Variants in PCDHGA1 observed in about 807,000 individuals in gnomAD.
PCDHGA1 encodes protocadherin gamma subfamily A, 1.
A neutral mutation model predicts 58.0 loss-of-function variants in PCDHGA1; 32 were observed. That is an observed-to-expected ratio of 0.55 (90% CI 0.42 to 0.74). PCDHGA1 has a LOEUF of 0.74. Ranked by LOEUF, PCDHGA1 falls within the 30% of genes least tolerant of loss-of-function variation. The pLI is 0.00. For synonymous variants in PCDHGA1, 498 were observed against 501.1 expected (o/e 0.99, Z 0.08); for missense variants, 1,205 against 1,182.3 (o/e 1.02, Z -0.28).
intron 1 of PCDHGA1, chr5:141,393,973 G>T (rs776954838): frequency 4.3e-6 from 7 of 1,613,668 alleles, no homozygotes; most frequent in Non-Finnish European, 5.1e-6. Context: ...TGTTACACAC[G>T]TGATAATTTA....
chr5:141,410,024 G>T (rs771946302), intron 1 of PCDHGA1: 4 of 1,613,164 alleles, frequency 2.5e-6, no homozygotes, highest in Non-Finnish European at 3.4e-6. Flanking sequence ...GTCCTACCAC[G>T]TGCTGCAGGC....
In PCDHGA1 at chr5:141,330,585, C is replaced by A; in HGVS notation, c.-100C>A. 1 of 1,277,806 alleles carries A rather than the reference C, an allele frequency of 7.8e-7. No individual in the cohort carries two copies. Among genetic ancestry groups the A allele is most frequent in the Middle Eastern group, 2.4e-4 (1 of 4,082 alleles). The allele number at this position is 1,277,806 out of a possible 1,614,324, so 79.2% of individuals were successfully genotyped here. On this transcript the variant is annotated 5_prime_UTR_variant, in exon 1 of 4. Coordinates refer to ENST00000517417, the MANE Select transcript of PCDHGA1 (RefSeq NM_018912.3). ...TAAATCCTACTTCTGGATGACTCTC[C>A]AGTCAGAATTCTCCTGAAAATTGGG...
intron 1 of PCDHGA1, chr5:141,355,796 C>G: frequency 1.2e-6 from 2 of 1,613,556 alleles, no homozygotes; most frequent in Non-Finnish European, 1.7e-6. Context: ...CTGGAACGCG[C>G]TCTAGATCGC....
rs368927472 is a variant in PCDHGA1 at position 141,490,874 on chromosome 5, A to G, written c.2422-3933A>G. The G allele has an allele frequency of 2.4e-5, 39 of 1,613,830 alleles. No individual in the cohort carries two copies. Among genetic ancestry groups the G allele is most frequent in the Non-Finnish European group, 3.1e-5 (36 of 1,179,960 alleles). ...CGAGACTCCGGCTCTCCCCCATTGCATGCCAACACATCTCTGCATGTGTTT... is the reference window on the plus strand; with the variant it reads ...CGAGACTCCGGCTCTCCCCCATTGCGTGCCAACACATCTCTGCATGTGTTT... On this transcript the variant is annotated intron_variant, in intron 1 of 3. Transcript: ENST00000517417. This position sits in a 1 kb window ranked among gnomAD's most constrained non-coding sequence, Gnocchi z 5.4.
At chr5:141,500,930 G>A (rs1300719832) in intron 2 of PCDHGA1, among the ~76,000 whole-genome samples, 4 of 151,824 alleles carry the variant, frequency 2.6e-5, no homozygotes, top group Admixed American at 6.6e-5. Context: ...GTGCAGTGGC[G>A]CCATCTCGGC....
chr5:141,393,115 G>C (rs1342924521), intron 1 of PCDHGA1: 42 of 1,613,320 alleles, frequency 2.6e-5, no homozygotes, highest in Non-Finnish European at 3.6e-5. Context: ...CAGAGCCCGC[G>C]GTGTCTGATA....
intron 1 of PCDHGA1, chr5:141,385,148 T>G (rs1052139407): frequency 6.2e-7 from 1 of 1,614,218 alleles, no homozygotes; most frequent in Admixed American, 1.7e-5. Context: ...CAGGCTTTCC[T>G]GCAGACCTAT....
chr5:141,428,120 C>G (rs756805763), intron 1 of PCDHGA1: 2 of 1,606,528 alleles, frequency 1.2e-6, no homozygotes, highest in South Asian at 1.1e-5. Context: ...CCATCGAGCC[C>G]GGGCTTTTCA....
intron 1 of PCDHGA1, chr5:141,384,422 A>C: frequency 6.2e-7 from 1 of 1,613,924 alleles, no homozygotes; most frequent in Non-Finnish European, 8.5e-7. Flanking sequence ...GTCTCCATAA[A>C]CTCTGACACT....
chr5:141,366,307 G>C lies in PCDHGA1; in HGVS notation c.2421+33202G>C, dbSNP rs539472764. On this transcript the variant is annotated intron_variant, in intron 1 of 3. Transcript: ENST00000517417. Reference sequence around the variant, plus strand: ...AGCCCCCTCTGTCAGCCACCTTCACGGTCACCGTTGCCGTGGCCGACAGGA... The same window carrying C: ...AGCCCCCTCTGTCAGCCACCTTCACCGTCACCGTTGCCGTGGCCGACAGGA... The C allele has an allele frequency of 7.4e-6, 12 of 1,613,630 alleles. No individual in the cohort carries two copies. In the East Asian group the frequency reaches 2.2e-4, roughly 30 times the overall value.
chr5:141,476,727 G>A lies in PCDHGA1; in HGVS notation c.2422-18080G>A, dbSNP rs762236731. On this transcript the variant is annotated intron_variant, in intron 1 of 3. Coordinates refer to ENST00000517417, the MANE Select transcript of PCDHGA1 (RefSeq NM_018912.3). This position sits in a 1 kb window ranked among gnomAD's most constrained non-coding sequence, Gnocchi z 7.6. ...CTGGTGTTGGAGCGCGCCCTGGACC[G>A]AGAACGGGAGCCTAGTCTCCAGTTA... 5 of 1,614,108 alleles carry A rather than the reference G, an allele frequency of 3.1e-6. No individual in the cohort carries two copies. Among genetic ancestry groups the A allele is most frequent in the Non-Finnish European group, 4.2e-6 (5 of 1,180,032 alleles).
At chr5:141,414,640 G>A (rs1035735674) in intron 1 of PCDHGA1, 2 of 1,613,838 alleles carry the variant, frequency 1.2e-6, no homozygotes, top group Non-Finnish European at 1.7e-6. Flanking sequence ...CAAAGAGAAT[G>A]CCCAGATTAT....
At chr5:141,427,570 C>G (rs1487817661) in intron 1 of PCDHGA1, 8 of 662,270 alleles carry the variant, frequency 1.2e-5, no homozygotes, top group Non-Finnish European at 2.2e-5. Flanking sequence ...GGCAAGCCTC[C>G]GCTCTCATCC....
rs1315225126 is a variant in PCDHGA1 at position 141,487,926 on chromosome 5, A to G, written c.2422-6881A>G. The G allele has an allele frequency of 2.2e-5, 14 of 626,676 alleles. No individual in the cohort carries two copies. Among genetic ancestry groups the G allele is most frequent in the Non-Finnish European group, 3.9e-5 (14 of 359,988 alleles). The allele number at this position is 626,676 out of a possible 1,614,324, so 38.8% of individuals were successfully genotyped here. ...GTGGGAGCACAGGAGGCTACAGTGC[A>G]CAGGGTACAGTGCACCAGGCAGTCA... On this transcript the variant is annotated intron_variant, in intron 1 of 3. Coordinates refer to ENST00000517417, the MANE Select transcript of PCDHGA1 (RefSeq NM_018912.3). The surrounding 1 kb of genome is among the most constrained non-coding windows in gnomAD (Gnocchi z 5.0).
At chr5:141,366,041 G>A (rs755866285) in intron 1 of PCDHGA1, 5 of 1,614,114 alleles carry the variant, frequency 3.1e-6, no homozygotes, top group Admixed American at 3.3e-5. Flanking sequence ...CCCCACAGAC[G>A]GTTCCACGGG....
At chr5:141,399,289 T>C (rs755445485) in intron 1 of PCDHGA1, 1 of 1,613,918 alleles carries the variant, frequency 6.2e-7, no homozygotes, top group Admixed American at 1.7e-5. Context: ...CGAAGTCCCT[T>C]TTAAGATTAT....
At chr5:141,383,939 T>C (rs1272507661) in intron 1 of PCDHGA1, 1 of 1,613,738 alleles carries the variant, frequency 6.2e-7, no homozygotes, top group African/African-American at 1.3e-5. Context: ...GCTCCAGAAG[T>C]GACTATGACG....
In PCDHGA1 at chr5:141,330,532, G is replaced by C; in HGVS notation, c.-153G>C. 1.3e-6 allele frequency: 1 copy of C among 741,936 alleles called. No individual in the cohort carries two copies. Among genetic ancestry groups the C allele is most frequent in the Non-Finnish European group, 2.1e-6 (1 of 474,082 alleles). The allele number at this position is 741,936 out of a possible 1,614,324, so 46.0% of individuals were successfully genotyped here. A position where few individuals can be genotyped will look rare whatever the true frequency, so the allele number is the denominator to read the frequency against. On this transcript the variant is annotated 5_prime_UTR_variant, in exon 1 of 4. Transcript: ENST00000517417. ...CCTCTTAGAACCTCCATAACCGCCA[G>C]ATTGAAAACTGACTGTCCAAGACTG...
At chr5:141,357,493 A>G in intron 1 of PCDHGA1, 1 of 1,614,200 alleles carries the variant, frequency 6.2e-7, no homozygotes, top group Non-Finnish European at 8.5e-7. Flanking sequence ...GGACTCGCGG[A>G]AGAGTCACCT....
Sources: gnomAD v4.1 joint callset for allele counts (sites outside exome capture counted in the v4.1 genomes callset) on GRCh38, gnomAD v4.1.1 for gene constraint, Gnocchi (gnomAD v3.1) non-coding constraint, MANE v1.5 for transcripts, NCBI Gene and HGNC (gene_info 2026-07-23, HGNC 2026-07-21) for gene names.